ELF1: variants seen among roughly 807,000 people sequenced by gnomAD.
ELF1 encodes the protein E74 like ETS transcription factor 1.
ELF1 carries 24 observed loss-of-function variants against 59.9 expected under a neutral mutation model. The observed-to-expected ratio is 0.40, with a 90% CI of 0.29 to 0.56. ELF1 has a LOEUF of 0.56. Among genes scored for constraint, ELF1 ranks in the 20% least tolerant of loss-of-function variants. ELF1 has a pLI of 0.44. For synonymous variants in ELF1, 248 were observed against 266.2 expected (o/e 0.93, Z 0.67); for missense variants, 627 against 742.2 (o/e 0.84, Z 1.80).
intron 1 of ELF1, among the ~76,000 whole-genome samples, chr13:41,015,807 G>A (rs1283889962): frequency 6.6e-6 from 1 of 152,110 alleles, no homozygotes; most frequent in Admixed American, 6.5e-5. Context: ...CAGCAAGATG[G>A]CCAACTGAAT....
At chr13:41,019,472 G>T, upstream of ELF1, 1 of 815,004 alleles carries the variant, frequency 1.2e-6, no homozygotes, top group Non-Finnish European at 1.5e-6. Context: ...GGATGAAGAG[G>T]CAAGGAGCAA....
exon 1 of ELF1, chr13:41,060,921 GCCGC>G (rs1877562713): frequency 1.2e-5 from 2 of 166,194 alleles, no homozygotes; most frequent in Non-Finnish European, 2.6e-5. Flanking sequence ...TGCTGCCGCC[GCCGC>G]CGCCGCCGCC....
chr13:41,060,142 G>A (rs533753343), intron 1 of ELF1, among the ~76,000 whole-genome samples: 10 of 152,300 alleles, frequency 6.6e-5, no homozygotes, highest in East Asian at 5.8e-4. Context: ...AGACGCGAGC[G>A]CACACGCGGC....
intron 3 of ELF1, among the ~76,000 whole-genome samples, chr13:40,958,595 T>C (rs1336725942): frequency 6.6e-6 from 1 of 152,094 alleles, no homozygotes; most frequent in Middle Eastern, 3.2e-3. Flanking sequence ...TAAATGCCTC[T>C]TATTTTGTCA....
Position 40,932,680 on chromosome 13 carries a change from CT to C in ELF1, c.*744del, listed in dbSNP as rs1355076251. 5.9e-5 allele frequency: 9 copies of C among 152,132 alleles called. No homozygotes were observed. Among genetic ancestry groups the C allele is most frequent in the Non-Finnish European group, 1.2e-4 (8 of 68,040 alleles). 9.4% of individuals were successfully genotyped at this position (152,132 alleles called of 1,614,324 possible). On this transcript the variant is annotated 3_prime_UTR_variant, in exon 9 of 9. Coordinates refer to ENST00000239882, the MANE Select transcript of ELF1 (RefSeq NM_172373.4). ...CCTGATAATGATTTAATTGACATAA[CT>C]TGAAAATATAGGTATTAGAATTAAA...
At chr13:41,024,705 G>C (rs1187732923) in intron 1 of ELF1, among the ~76,000 whole-genome samples, 1 of 152,018 alleles carries the variant, frequency 6.6e-6, no homozygotes, top group African/African-American at 2.4e-5. Flanking sequence ...TGTAGCCCTA[G>C]CATCTACTGT....
At chr13:40,997,414 C>T (rs1004813401) in intron 1 of ELF1, among the ~76,000 whole-genome samples, 6 of 152,088 alleles carry the variant, frequency 3.9e-5, no homozygotes, top group Admixed American at 6.5e-5. Context: ...CCCGCCACCA[C>T]GCCAGGCTAA....
At chr13:40,954,858 C>A (rs1016195385) in intron 3 of ELF1, among the ~76,000 whole-genome samples, 1 of 143,278 alleles carries the variant, frequency 7.0e-6, no homozygotes, top group Non-Finnish European at 1.5e-5. Flanking sequence ...GCAGCCTCTG[C>A]CCGGCCGCCA....
At chr13:40,985,733 AT>A (rs1476633931) in intron 1 of ELF1, among the ~76,000 whole-genome samples, 2 of 152,186 alleles carry the variant, frequency 1.3e-5, no homozygotes, top group Non-Finnish European at 2.9e-5. Flanking sequence ...GAAAAAAAAT[AT>A]GGGCACTCGG....
At chr13:40,982,411 C>T (rs1048509873) in intron 1 of ELF1, 129 bp from the exon 2 acceptor site, 1 of 464,504 alleles carries the variant, frequency 2.2e-6, no homozygotes, top group African/African-American at 2.1e-5. Flanking sequence ...ATCGACACGA[C>T]TAATGCACAT....
At chr13:41,060,224 GT>G (rs1566204204) in intron 1 of ELF1, among the ~76,000 whole-genome samples, 2 of 152,192 alleles carry the variant, frequency 1.3e-5, no homozygotes, top group East Asian at 3.9e-4. Flanking sequence ...GGCACACTGT[GT>G]TCCGTGGGGC....
At chr13:40,950,022 T>TA in intron 4 of ELF1, 49 bp from the exon 5 acceptor site, 1 of 1,436,590 alleles carries the variant, frequency 7.0e-7, no homozygotes, top group Non-Finnish European at 9.3e-7. Context: ...TATTATAAGT[T>TA]AAAAAACGAT....
At chr13:40,984,449 T>A (rs1332402490) in intron 1 of ELF1, among the ~76,000 whole-genome samples, 4 of 152,150 alleles carry the variant, frequency 2.6e-5, no homozygotes, top group Non-Finnish European at 4.4e-5. Context: ...GCATTTGTGA[T>A]CCTAGCTACT....
chr13:40,993,240 A>T, intron 1 of ELF1: 1 of 1,580,394 alleles, frequency 6.3e-7, no homozygotes. Flanking sequence ...AACAGCACCA[A>T]CAAAAGCAAC....
intron 3 of ELF1, among the ~76,000 whole-genome samples, chr13:40,955,276 T>TA (rs1555272540): frequency 1.1e-4 from 15 of 135,034 alleles, no homozygotes; most frequent in South Asian, 7.4e-4. Flanking sequence ...GGGAGGGAGG[T>TA]GGGGGTCAGC....
chr13:40,982,291 CA>C lies in ELF1; in HGVS notation c.-228-10del. On this transcript the variant is annotated splice_polypyrimidine_tract_variant and intron_variant, in intron 1 of 8. Coordinates refer to ENST00000239882, the MANE Select transcript of ELF1 (RefSeq NM_172373.4). ...CTCTCAAGCTTCTTGGCCTAAAAAACAAAAGCTCAGATTAGTTATGAAAAAG... is the reference window on the plus strand; with the variant it reads ...CTCTCAAGCTTCTTGGCCTAAAAAACAAAGCTCAGATTAGTTATGAAAAAG... 1.6e-6 allele frequency: 2 copies of C among 1,244,942 alleles called. No individual in the cohort carries two copies. Among genetic ancestry groups the C allele is most frequent in the South Asian group, 2.9e-5 (1 of 34,744 alleles). The allele number at this position is 1,244,942 out of a possible 1,614,324, so 77.1% of individuals were successfully genotyped here.
chr13:41,003,486 TAATA>T (rs1461024905), intron 1 of ELF1, among the ~76,000 whole-genome samples: 9 of 141,258 alleles, frequency 6.4e-5, no homozygotes, highest in Admixed American at 3.0e-4. Flanking sequence ...GAAAAACTGT[TAATA>T]TATAAACTTT....
At chr13:40,934,899 C>T (rs1444413589) in intron 8 of ELF1, among the ~76,000 whole-genome samples, 1 of 152,180 alleles carries the variant, frequency 6.6e-6, no homozygotes, top group East Asian at 1.9e-4. Context: ...TTTAATAGCT[C>T]ACATTTCATG....
chr13:40,990,983 A>T (rs1873823395), intron 1 of ELF1, among the ~76,000 whole-genome samples: 1 of 152,208 alleles, frequency 6.6e-6, no homozygotes, highest in Non-Finnish European at 1.5e-5. Flanking sequence ...AACTAAGAAG[A>T]GTCCTGATGA....
Sources: gnomAD v4.1 joint callset for allele counts (sites outside exome capture counted in the v4.1 genomes callset) on GRCh38, gnomAD v4.1.1 for gene constraint, MANE v1.5 for transcripts, NCBI Gene and HGNC (gene_info 2026-07-23, HGNC 2026-07-21) for gene names.